The following MGAT4D variants were observed in gnomAD, a reference collection of about 807,000 sequenced individuals.
The protein encoded by MGAT4D is alpha-1,3-mannosyl-glycoprotein 4-beta-N-acetylglucosaminyltransferase-like protein MGAT4D.
In MGAT4D, 34 loss-of-function variants were observed where a neutral mutation model predicts 15.9. The ratio of observed to expected loss-of-function variants is 2.14; its 90% CI spans 1.62 to 2.84. The LOEUF is 2.84. MGAT4D is among the 30% of genes most tolerant of loss of function. MGAT4D has a pLI of 0.00. For synonymous variants in MGAT4D, 112 were observed against 48.2 expected (o/e 2.33, Z -5.49); for missense variants, 327 against 140.2 (o/e 2.33, Z -6.73).
At chr4:140,452,561 T>C (rs1222927163) in intron 9 of MGAT4D, among the ~76,000 whole-genome samples, 1 of 152,182 alleles carries the variant, frequency 6.6e-6, no homozygotes, top group African/African-American at 2.4e-5. Context: ...GGACAATCAC[T>C]ACTTTTATGG....
intron 8 of MGAT4D, 52 bp downstream of exon 8, chr4:140,459,460 A>C: frequency 2.5e-6 from 1 of 407,296 alleles, no homozygotes; most frequent in Non-Finnish European, 4.4e-6. Context: ...AAAATGTTTT[A>C]AATTATTGTG....
chr4:140,456,333 A>G (rs1460526889), intron 9 of MGAT4D, among the ~76,000 whole-genome samples: 1 of 152,088 alleles, frequency 6.6e-6, no homozygotes, highest in Non-Finnish European at 1.5e-5. Context: ...AAGTATTGGC[A>G]TGTTTGAATT....
At chr4:140,495,940 G>A (rs1733808398) in intron 1 of MGAT4D, among the ~76,000 whole-genome samples, 1 of 152,046 alleles carries the variant, frequency 6.6e-6, no homozygotes, top group Non-Finnish European at 1.5e-5. Flanking sequence ...TCACCATGTT[G>A]GCCTGGCTGG....
At chr4:140,497,334 GGGTTAAAA>G (rs1349914932) in intron 1 of MGAT4D, among the ~76,000 whole-genome samples, 1 of 151,900 alleles carries the variant, frequency 6.6e-6, no homozygotes, top group African/African-American at 2.4e-5. Context: ...CGGACAACTA[GGGTTAAAA>G]GATCAAATAT....
intron 1 of MGAT4D, among the ~76,000 whole-genome samples, chr4:140,494,260 C>T (rs1279007220): frequency 6.6e-6 from 1 of 152,144 alleles, no homozygotes; most frequent in Non-Finnish European, 1.5e-5. Context: ...CGATCAAGGG[C>T]CTGCTGCATT....
chr4:140,494,879 C>A (rs978737617), intron 1 of MGAT4D, among the ~76,000 whole-genome samples: 2 of 152,142 alleles, frequency 1.3e-5, no homozygotes, highest in African/African-American at 4.8e-5. Flanking sequence ...ATTACCCAAC[C>A]CAAAATGTCA....
chr4:140,461,317 T>C (rs1056628060), intron 7 of MGAT4D, among the ~76,000 whole-genome samples: 5 of 152,172 alleles, frequency 3.3e-5, no homozygotes, highest in African/African-American at 4.8e-5. Flanking sequence ...ACTTTCTCTC[T>C]AGTCTACAAC....
chr4:140,452,192 C>G (rs1730517869), intron 9 of MGAT4D, among the ~76,000 whole-genome samples: 1 of 151,642 alleles, frequency 6.6e-6, no homozygotes, highest in Non-Finnish European at 1.5e-5. Context: ...AAAAACAAAA[C>G]AAACAATAAA....
At chr4:140,473,446 T>G (rs1732106542) in intron 4 of MGAT4D, among the ~76,000 whole-genome samples, 1 of 152,224 alleles carries the variant, frequency 6.6e-6, no homozygotes, top group Admixed American at 6.5e-5. Flanking sequence ...ACTTACTATG[T>G]GCCACACATC....
chr4:140,457,496 A>C (rs1730887045), intron 8 of MGAT4D: 1 of 152,174 alleles, frequency 6.6e-6, no homozygotes, highest in Non-Finnish European at 1.5e-5. Flanking sequence ...TAACCAAAGC[A>C]AGTGATTTAA....
At chr4:140,445,581 T>G (rs1255572305) in intron 10 of MGAT4D, among the ~76,000 whole-genome samples, 1 of 152,222 alleles carries the variant, frequency 6.6e-6, no homozygotes, top group Non-Finnish European at 1.5e-5. Context: ...CCTTTTGGAA[T>G]CTTCATCATA....
chr4:140,464,411 T>C (rs1391204129), intron 6 of MGAT4D, among the ~76,000 whole-genome samples: 1 of 152,198 alleles, frequency 6.6e-6, no homozygotes, highest in Non-Finnish European at 1.5e-5. Flanking sequence ...TTATGCAATA[T>C]AGGTGTCATT....
At chr4:140,470,499 T>G (rs756564229) in intron 5 of MGAT4D, among the ~76,000 whole-genome samples, 17 of 152,226 alleles carry the variant, frequency 1.1e-4, no homozygotes, top group Non-Finnish European at 2.4e-4. Flanking sequence ...GCAGCCCTGG[T>G]CTACAGCACA....
At chr4:140,453,797 G>A (rs1730622198) in intron 9 of MGAT4D, among the ~76,000 whole-genome samples, 1 of 151,984 alleles carries the variant, frequency 6.6e-6, no homozygotes, top group Non-Finnish European at 1.5e-5. Context: ...AGTTTTCTGA[G>A]GCCTCCCTAG....
rs150094655 is a variant in MGAT4D, at chr4:140,471,072, A to G, written c.572+703T>C. 1.5e-3 allele frequency among the ~76,000 whole-genome samples: 230 copies of G among 151,884 alleles called. 5 individuals carry two copies. In the East Asian group the frequency reaches 0.044, roughly 29 times the overall value. On this transcript the variant is annotated intron_variant, in intron 5 of 10. Transcript: ENST00000511113. The stretch of plus-strand genomic sequence containing the variant: ...GCTTAATTTTGGGGGCCATTTTTTC[A>G]GTAGAGACGGGGTTTGGCCATGTTG...
At chr4:140,493,943 G>A (rs973300683) in intron 1 of MGAT4D, among the ~76,000 whole-genome samples, 24 of 152,220 alleles carry the variant, frequency 1.6e-4, no homozygotes, top group Admixed American at 1.6e-3. Context: ...GGCAAGAGTA[G>A]TAGCAGGCCA....
At chr4:140,467,101 G>A (rs1731586182) in intron 5 of MGAT4D, among the ~76,000 whole-genome samples, 1 of 152,012 alleles carries the variant, frequency 6.6e-6, no homozygotes, top group African/African-American at 2.4e-5. Flanking sequence ...AAAAGTTTTT[G>A]GTCATTTATT....
intron 2 of MGAT4D, among the ~76,000 whole-genome samples, chr4:140,479,900 A>T (rs1201166781): frequency 6.6e-6 from 1 of 152,164 alleles, no homozygotes; most frequent in East Asian, 1.9e-4. Context: ...AAATGAAAAA[A>T]GTATAACTGA....
chr4:140,489,287 G>A (rs1733354944), intron 1 of MGAT4D, among the ~76,000 whole-genome samples: 1 of 152,112 alleles, frequency 6.6e-6, no homozygotes, highest in Non-Finnish European at 1.5e-5. Context: ...TGTATGCTTT[G>A]CAATAATCAA....
Sources: gnomAD v4.1 joint callset for allele counts (sites outside exome capture counted in the v4.1 genomes callset) on GRCh38, gnomAD v4.1.1 for gene constraint, MANE v1.5 for transcripts, NCBI Gene and HGNC (gene_info 2026-07-23, HGNC 2026-07-21) for gene names.